PDE10A: variants seen among roughly 807,000 people sequenced by gnomAD.
The protein encoded by PDE10A is phosphodiesterase 10A.
In PDE10A, 39 loss-of-function variants were observed where a neutral mutation model predicts 97.7. The ratio of observed to expected loss-of-function variants is 0.40; its 90% CI spans 0.31 to 0.52. The LOEUF is 0.52. Among genes scored for constraint, PDE10A ranks in the 20% least tolerant of loss-of-function variants. PDE10A has a pLI of 0.56. For synonymous variants in PDE10A, 371 were observed against 376.8 expected (o/e 0.98, Z 0.18); for missense variants, 731 against 1,047.8 (o/e 0.70, Z 4.17).
intron 1 of PDE10A, among the ~76,000 whole-genome samples, chr6:165,750,616 A>G (rs569062872): frequency 6.6e-6 from 1 of 152,222 alleles, no homozygotes; most frequent in African/African-American, 2.4e-5. Context: ...TGGGGCCCAC[A>G]GGAAGTACAA....
intron 1 of PDE10A, among the ~76,000 whole-genome samples, chr6:165,622,416 A>ATTG (rs1452978916): frequency 6.6e-6 from 1 of 152,202 alleles, no homozygotes. Flanking sequence ...AGCCTACTAC[A>ATTG]TACCAAGGCT....
intron 1 of PDE10A, among the ~76,000 whole-genome samples, chr6:165,865,751 A>G (rs549842171): frequency 1.3e-5 from 1 of 79,290 alleles, no homozygotes; most frequent in South Asian, 4.6e-4. Flanking sequence ...AAAAAAAGGG[A>G]TAAAAAAAAG....
chr6:165,890,049 T>C, intron 1 of PDE10A, among the ~76,000 whole-genome samples: 2 of 78,164 alleles, frequency 2.6e-5, no homozygotes, highest in African/African-American at 5.0e-5. Flanking sequence ...CCTCCCTCAC[T>C]CTTCACTCCT....
intron 18 of PDE10A, among the ~76,000 whole-genome samples, chr6:165,375,667 T>C (rs1784564165): frequency 1.3e-5 from 2 of 152,204 alleles, no homozygotes; most frequent in South Asian, 2.1e-4. Flanking sequence ...GACTTTGATA[T>C]CTAGAGAGGA....
intron 1 of PDE10A, among the ~76,000 whole-genome samples, chr6:165,601,960 G>C (rs12216245): frequency 0.1 from 15,352 of 152,114 alleles, 954 homozygotes; most frequent in Non-Finnish European, 0.13. Context: ...AATCCTTTTT[G>C]TAACCAATAT....
intron 1 of PDE10A, among the ~76,000 whole-genome samples, chr6:165,726,673 T>C (rs1402280265): frequency 6.6e-6 from 1 of 152,134 alleles, no homozygotes; most frequent in Non-Finnish European, 1.5e-5. Flanking sequence ...GAGTGTCCCA[T>C]GGTTAGACCC....
At chr6:165,531,856 T>C (rs1015232028) in intron 2 of PDE10A, among the ~76,000 whole-genome samples, 9 of 152,192 alleles carry the variant, frequency 5.9e-5, no homozygotes, top group African/African-American at 2.2e-4. Flanking sequence ...AACAGGCTAA[T>C]ATATGAAATG....
At chr6:165,554,583 C>A (rs980689644) in intron 1 of PDE10A, among the ~76,000 whole-genome samples, 3 of 152,112 alleles carry the variant, frequency 2.0e-5, no homozygotes, top group African/African-American at 7.2e-5. Flanking sequence ...ATTAGTACAA[C>A]CCCTATGGAG....
At chr6:165,729,764 A>G (rs1320890254) in intron 1 of PDE10A, among the ~76,000 whole-genome samples, 2 of 150,910 alleles carry the variant, frequency 1.3e-5, no homozygotes, top group Non-Finnish European at 2.9e-5. Context: ...TATTTCCTAC[A>G]GTGGCTGTGG....
chr6:165,503,541 G>A (rs1375702351), intron 2 of PDE10A, among the ~76,000 whole-genome samples: 1 of 152,132 alleles, frequency 6.6e-6, no homozygotes. Context: ...ACAGGCCTTG[G>A]AAACGTGGCA....
intron 18 of PDE10A, among the ~76,000 whole-genome samples, chr6:165,350,053 A>G (rs1462671743): frequency 6.6e-6 from 1 of 152,202 alleles, no homozygotes; most frequent in Non-Finnish European, 1.5e-5. Context: ...CAGAGTTCCC[A>G]TTGGGGCAGT....
chr6:165,475,543 A>G (rs221721), intron 3 of PDE10A, among the ~76,000 whole-genome samples: 1 of 151,942 alleles, frequency 6.6e-6, no homozygotes, highest in Non-Finnish European at 1.5e-5. Flanking sequence ...ACATTCACTA[A>G]GAACTTAATG....
chr6:165,932,582 T>C (rs952940334), intron 1 of PDE10A, among the ~76,000 whole-genome samples: 7 of 152,160 alleles, frequency 4.6e-5, no homozygotes, highest in Admixed American at 3.9e-4. Flanking sequence ...GTGATCCCCC[T>C]GCCTCAGCCT....
intron 3 of PDE10A, among the ~76,000 whole-genome samples, chr6:165,481,866 T>C (rs1249898415): frequency 6.6e-6 from 1 of 152,150 alleles, no homozygotes; most frequent in Admixed American, 6.5e-5. Flanking sequence ...AAGGCAGAGG[T>C]TGGGCAGGTA....
intron 1 of PDE10A, among the ~76,000 whole-genome samples, chr6:165,826,939 G>A (rs575155586): frequency 1.7e-4 from 26 of 151,964 alleles, no homozygotes; most frequent in Non-Finnish European, 3.7e-4. Context: ...AGGGGGAAGG[G>A]GCAGGGAGGT....
At chr6:165,929,425 C>T (rs991015399) in intron 1 of PDE10A, among the ~76,000 whole-genome samples, 8 of 152,170 alleles carry the variant, frequency 5.3e-5, no homozygotes, top group African/African-American at 1.4e-4. Flanking sequence ...ATTCTGGACA[C>T]GTTCCATACA....
At chr6:165,958,957 G>A (rs1784278176) in intron 1 of PDE10A, among the ~76,000 whole-genome samples, 1 of 152,164 alleles carries the variant, frequency 6.6e-6, no homozygotes, top group Non-Finnish European at 1.5e-5. Context: ...TGGAAAACTG[G>A]AGGCCATAGT....
intron 1 of PDE10A, among the ~76,000 whole-genome samples, chr6:165,922,435 T>C (rs1431165685): frequency 6.6e-6 from 1 of 152,222 alleles, no homozygotes; most frequent in African/African-American, 2.4e-5. Flanking sequence ...TTGCTGGTGC[T>C]ACTTGGCTGA....
Position 165,375,627 on chromosome 6 carries a change from A to G in PDE10A, c.2783+3567T>C, listed in dbSNP as rs538929803. Among the ~76,000 whole-genome samples the G allele has an allele frequency of 5.3e-5, 8 of 152,354 alleles. No individual in the cohort carries two copies. In the East Asian group the frequency reaches 1.5e-3, roughly 29 times the overall value. ...CTCAACTAAATAACAGATTTTCAGT[A>G]TAGACAAAACATCTATTAGAGACAT... On this transcript the variant is annotated intron_variant, in intron 18 of 21. Coordinates refer to ENST00000539869, the MANE Select transcript of PDE10A (RefSeq NM_001385079.1).
Sources: gnomAD v4.1 joint callset for allele counts (sites outside exome capture counted in the v4.1 genomes callset) on GRCh38, gnomAD v4.1.1 for gene constraint, MANE v1.5 for transcripts, NCBI Gene and HGNC (gene_info 2026-07-23, HGNC 2026-07-21) for gene names.